ROR2: variants seen among roughly 807,000 people sequenced by gnomAD.
ROR2 encodes ROR family WNT receptor 2.
ROR2 carries 33 observed loss-of-function variants against 74.9 expected under a neutral mutation model. The observed-to-expected ratio is 0.44, with a 90% CI of 0.33 to 0.59. The LOEUF is 0.59. Among genes scored for constraint, ROR2 ranks in the 20% least tolerant of loss-of-function variants. The pLI, the probability that ROR2 is intolerant of heterozygous loss-of-function variation, is 0.02. For synonymous variants in ROR2, 586 were observed against 558.7 expected, an observed-to-expected ratio of 1.05 and a Z score of -0.69; for missense variants, 1,216 against 1,313.8, an observed-to-expected ratio of 0.93 and a Z score of 1.15.
chr9:91,926,558 A>G (rs1831407057), intron 1 of ROR2, among the ~76,000 whole-genome samples: 1 of 151,980 alleles, frequency 6.6e-6, no homozygotes, highest in African/African-American at 2.4e-5. Flanking sequence ...AAAAAAAAAA[A>G]AAGAAGACAT....
intron 1 of ROR2, among the ~76,000 whole-genome samples, chr9:91,902,566 C>T (rs1751235990): frequency 6.6e-6 from 1 of 152,158 alleles, no homozygotes; most frequent in African/African-American, 2.4e-5. Context: ...ACCAAGGGCC[C>T]TCCTTGGGCG....
intron 1 of ROR2, among the ~76,000 whole-genome samples, chr9:91,859,468 T>G (rs772269383): frequency 1.3e-5 from 2 of 152,130 alleles, no homozygotes; most frequent in Non-Finnish European, 2.9e-5. Flanking sequence ...GGCAAGGGTA[T>G]TTTTTGGAGT....
In ROR2 at chr9:91,731,346, T is replaced by C. The variant is rs1422540644; in HGVS notation, c.938-191A>G. ...ATGCAGGGCACATCAGGGATAGGCATGGGGAAGGAAACTTGTCTAAAGTTA... is the reference window on the plus strand; with the variant it reads ...ATGCAGGGCACATCAGGGATAGGCACGGGGAAGGAAACTTGTCTAAAGTTA... On this transcript the variant is annotated intron_variant, in intron 6 of 8. Coordinates refer to ENST00000375708, the MANE Select transcript of ROR2 (RefSeq NM_004560.4). Among the ~76,000 whole-genome samples, 7 of 152,192 alleles carry C rather than the reference T, an allele frequency of 4.6e-5. No individual in the cohort carries two copies. In the East Asian group the frequency reaches 7.7e-4, roughly 17 times the overall value.
At chr9:91,725,228 A>G (rs1836985666) in intron 8 of ROR2, 121 bp from the exon 9 acceptor site, 1 of 1,561,230 alleles carries the variant, frequency 6.4e-7, no homozygotes, top group Non-Finnish European at 8.7e-7. Flanking sequence ...CTTGCAGAAG[A>G]CCCGCTGGTT....
In ROR2 at chr9:91,722,707, C is replaced by A; in HGVS notation, c.*955G>T. On this transcript the variant is annotated 3_prime_UTR_variant, in exon 9 of 9. Coordinates refer to ENST00000375708, the MANE Select transcript of ROR2 (RefSeq NM_004560.4). ...CCTGTGGGTCTGTGTGTAACAGGGG[C>A]TGTAAAATGAATGGACCTCATGTGC... 3 of 737,918 alleles carry A rather than the reference C, an allele frequency of 4.1e-6. No individual in the cohort carries two copies. The highest frequency in any genetic ancestry group is 7.6e-6 in the Non-Finnish European group (3 of 397,090). 45.7% of individuals were successfully genotyped at this position (737,918 alleles called of 1,614,324 possible).
intron 2 of ROR2, among the ~76,000 whole-genome samples, chr9:91,759,972 C>G (rs1825863504): frequency 6.6e-6 from 1 of 152,200 alleles, no homozygotes; most frequent in African/African-American, 2.4e-5. Context: ...AGAAAGAAAT[C>G]AGAAAGACAG....
intron 2 of ROR2, among the ~76,000 whole-genome samples, chr9:91,764,306 A>T (rs1825996670): frequency 6.6e-6 from 1 of 151,952 alleles, no homozygotes; most frequent in Admixed American, 6.6e-5. Context: ...ATTAGATATA[A>T]CTCTTATAAG....
chr9:91,948,034 C>T (rs1338125867), intron 1 of ROR2, among the ~76,000 whole-genome samples: 1 of 152,174 alleles, frequency 6.6e-6, no homozygotes, highest in Non-Finnish European at 1.5e-5. Flanking sequence ...TTAAAGAAAA[C>T]GACTCCAATT....
intron 1 of ROR2, among the ~76,000 whole-genome samples, chr9:91,835,695 C>T (rs1222846484): frequency 2.0e-5 from 3 of 152,180 alleles, no homozygotes; most frequent in Non-Finnish European, 4.4e-5. Context: ...CCAGGAAGAC[C>T]AGCAGGGGTG....
chr9:91,859,379 A>G (rs1224883279), intron 1 of ROR2, among the ~76,000 whole-genome samples: 1 of 151,840 alleles, frequency 6.6e-6, no homozygotes, highest in Non-Finnish European at 1.5e-5. Context: ...TTGTATTTTT[A>G]GTAGAGATGG....
intron 2 of ROR2, among the ~76,000 whole-genome samples, chr9:91,772,132 G>A (rs748080122): frequency 6.6e-6 from 1 of 152,206 alleles, no homozygotes; most frequent in Non-Finnish European, 1.5e-5. Flanking sequence ...CGGGTGGAGT[G>A]AGTCTCCATT....
intron 4 of ROR2, 90 bp from the exon 5 acceptor site, chr9:91,737,608 A>C: frequency 6.3e-7 from 1 of 1,579,530 alleles, no homozygotes; most frequent in Non-Finnish European, 8.7e-7. Flanking sequence ...CTTGCGATCC[A>C]GCAATTTTGT....
rs118151114 is a variant in ROR2 at position 91,877,537 on chromosome 9, G to A, written c.97+72330C>T. The stretch of plus-strand genomic sequence containing the variant: ...ATAGATACCTATACAGGGGAAATGA[G>A]TGATCTAAATGTACCCAAAATACTG... On this transcript the variant is annotated intron_variant, in intron 1 of 8. Coordinates refer to ENST00000375708, the MANE Select transcript of ROR2 (RefSeq NM_004560.4). 2.2e-3 allele frequency among the ~76,000 whole-genome samples: 329 copies of A among 152,316 alleles called. 2 individuals carry two copies. Among genetic ancestry groups the A allele is most frequent in the Admixed American group, 4.5e-3 (69 of 15,300 alleles).
chr9:91,946,096 AAT>A (rs1832006775), intron 1 of ROR2, among the ~76,000 whole-genome samples: 1 of 152,186 alleles, frequency 6.6e-6, no homozygotes, highest in Non-Finnish European at 1.5e-5. Flanking sequence ...ACTGAGAAGT[AAT>A]GTTTTCAAAG....
At position 91,725,078 on chromosome 9, in the gene ROR2, C is replaced by A; in HGVS notation, c.1416G>T (p.Ala472=). The change falls in exon 9 of 9, where the codon GCG becomes GCT. Residue 472 remains alanine (A), a synonymous_variant. Transcript: ENST00000375708. ...QAKLKEISLS[A]VRFMEELGED... The stretch of plus-strand genomic sequence containing the variant: ...CTCCCAGCTCCTCCATGAACCTCAC[C>A]GCAGACAGGCTGATCTCTTTGAGTT... 1 of 1,614,032 alleles carries A rather than the reference C, an allele frequency of 6.2e-7. No individual in the cohort carries two copies. Among genetic ancestry groups the A allele is most frequent in the Non-Finnish European group, 8.5e-7 (1 of 1,180,036 alleles).
chr9:91,942,760 C>T (rs1046484553), intron 1 of ROR2, among the ~76,000 whole-genome samples: 8 of 152,064 alleles, frequency 5.3e-5, no homozygotes, highest in Admixed American at 1.3e-4. Context: ...GTGAAAATGG[C>T]GATAGAAGTC....
rs557562648 is a variant in ROR2, at chr9:91,773,696, T to C, written c.175+2045A>G. Reference sequence around the variant, plus strand: ...ACCCCGGCTGACTCTGACCTCCACCTTGCCCCAGCCCATAAGCCAGGCATC... The same window carrying C: ...ACCCCGGCTGACTCTGACCTCCACCCTGCCCCAGCCCATAAGCCAGGCATC... On this transcript the variant is annotated intron_variant, in intron 2 of 8. Transcript: ENST00000375708. Among the ~76,000 whole-genome samples the C allele has an allele frequency of 3.9e-5, 6 of 152,314 alleles. No homozygotes were observed. The East Asian group carries it at 1.2e-3, about 29-fold the overall frequency.
chr9:91,754,454 C>T (rs1430400295), intron 4 of ROR2, among the ~76,000 whole-genome samples: 2 of 151,912 alleles, frequency 1.3e-5, no homozygotes, highest in Admixed American at 6.6e-5. Flanking sequence ...GTCAGGAGTT[C>T]GAGACCAGTC....
intron 4 of ROR2, among the ~76,000 whole-genome samples, chr9:91,747,211 T>C (rs1468299627): frequency 6.6e-6 from 1 of 152,208 alleles, no homozygotes; most frequent in African/African-American, 2.4e-5. Context: ...GCACCGCCTT[T>C]TCTTCAAGCT....
Sources: allele counts gnomAD v4.1 joint callset (sites outside exome capture counted in the v4.1 genomes callset), GRCh38; gene constraint gnomAD v4.1.1; transcripts MANE v1.5; gene names NCBI Gene and HGNC (gene_info 2026-07-23, HGNC 2026-07-21).